ABCA13: variants seen among roughly 807,000 people sequenced by gnomAD.
ABCA13 encodes the protein ATP-binding cassette sub-family A member 13.
Under a neutral mutation model 478.7 loss-of-function variants are expected in ABCA13, and 476 were observed. The observed-to-expected ratio is 0.99, with a 90% CI of 0.92 to 1.07. The LOEUF (loss-of-function observed/expected upper bound fraction) is 1.07. ABCA13 is among the 50% of genes least tolerant of loss of function. The pLI, the probability that ABCA13 is intolerant of heterozygous loss-of-function variation, is 0.00. For synonymous variants in ABCA13, 2,252 were observed against 2,158.9 expected (o/e 1.04, Z -1.20); for missense variants, 6,060 against 5,910.6 (o/e 1.03, Z -0.83).
chr7:48,525,670 C>CTTTTTTTTTTTTTT (rs538127881), intron 54 of ABCA13, among the ~76,000 whole-genome samples: 1 of 68,332 alleles, frequency 1.5e-5, no homozygotes. Flanking sequence ...TTTAGATGCG[C>CTTTTTTTTTTTTTT]TTTTTTTTTT....
At chr7:48,333,341 G>T (rs1000773398) in intron 27 of ABCA13, among the ~76,000 whole-genome samples, 5 of 152,114 alleles carry the variant, frequency 3.3e-5, no homozygotes, top group African/African-American at 1.2e-4. Flanking sequence ...CTGCTATTTT[G>T]TTTGCTTCAA....
intron 6 of ABCA13, among the ~76,000 whole-genome samples, 186 bp downstream of exon 6, chr7:48,227,611 A>G (rs1487735007): frequency 1.3e-5 from 2 of 152,330 alleles, no homozygotes; most frequent in African/African-American, 4.8e-5. Flanking sequence ...TATTTTATAT[A>G]CAGGCAGTGA....
At chr7:48,603,361 T>C (rs2131495588) in intron 58 of ABCA13, among the ~76,000 whole-genome samples, 1 of 152,308 alleles carries the variant, frequency 6.6e-6, no homozygotes, top group East Asian at 1.9e-4. Context: ...ATAGTGCCTG[T>C]GGGTTTTTCA....
intron 7 of ABCA13, among the ~76,000 whole-genome samples, chr7:48,230,603 C>A (rs1345261160): frequency 1.3e-5 from 2 of 152,192 alleles, no homozygotes; most frequent in African/African-American, 4.8e-5. Context: ...GTCCATCCAT[C>A]CACCCACACA....
intron 42 of ABCA13, among the ~76,000 whole-genome samples, chr7:48,440,663 A>G (rs2129164367): frequency 6.6e-6 from 1 of 152,046 alleles, no homozygotes; most frequent in Middle Eastern, 4.4e-3. Flanking sequence ...ACATTTTGTT[A>G]TCGTGAGAAG....
intron 43 of ABCA13, among the ~76,000 whole-genome samples, chr7:48,457,402 G>A (rs771083959): frequency 1.3e-5 from 2 of 151,978 alleles, no homozygotes; most frequent in Non-Finnish European, 2.9e-5. Flanking sequence ...CCTTCATGGT[G>A]TTTATTTCAC....
At chr7:48,609,716 C>A (rs1791830033) in intron 58 of ABCA13, among the ~76,000 whole-genome samples, 1 of 152,168 alleles carries the variant, frequency 6.6e-6, no homozygotes, top group Non-Finnish European at 1.5e-5. Context: ...GATTATCCAG[C>A]CATACAGGAA....
intron 31 of ABCA13, among the ~76,000 whole-genome samples, chr7:48,365,697 T>G (rs1161905325): frequency 1.3e-5 from 2 of 152,220 alleles, no homozygotes; most frequent in Non-Finnish European, 2.9e-5. Flanking sequence ...TGTATGAACT[T>G]GGAGCCTTTG....
intron 53 of ABCA13, among the ~76,000 whole-genome samples, chr7:48,523,453 C>T (rs1832689543): frequency 6.6e-6 from 1 of 151,928 alleles, no homozygotes; most frequent in African/African-American, 2.4e-5. Flanking sequence ...TTACACCCAG[C>T]TTCTCCCAAT....
At chr7:48,253,681 G>A (rs376674223) in intron 15 of ABCA13, among the ~76,000 whole-genome samples, 11 of 152,130 alleles carry the variant, frequency 7.2e-5, no homozygotes, top group African/African-American at 2.2e-4. Flanking sequence ...GTGGGGTTTC[G>A]CCATGTTGCC....
intron 37 of ABCA13, 114 bp downstream of exon 37, chr7:48,389,334 A>T (rs559932077): frequency 2.4e-6 from 3 of 1,237,338 alleles, no homozygotes; most frequent in African/African-American, 3.1e-5. Context: ...TTGAGTCTCA[A>T]TACAGAGTTT....
chr7:48,338,955 A>G (rs1157927991), intron 29 of ABCA13, among the ~76,000 whole-genome samples: 1 of 152,188 alleles, frequency 6.6e-6, no homozygotes, highest in African/African-American at 2.4e-5. Flanking sequence ...GAAATAATCC[A>G]TAGAGGGGCA....
intron 43 of ABCA13, among the ~76,000 whole-genome samples, chr7:48,458,783 A>G (rs1388474365): frequency 2.6e-5 from 4 of 152,154 alleles, no homozygotes; most frequent in African/African-American, 7.2e-5. Flanking sequence ...TTGGGCCCAA[A>G]CAAACCTGGG....
intron 27 of ABCA13, among the ~76,000 whole-genome samples, chr7:48,322,368 A>G (rs1241239064): frequency 1.3e-5 from 2 of 152,142 alleles, no homozygotes; most frequent in African/African-American, 4.8e-5. Context: ...CAGCCCACAC[A>G]TACCTGGAAT....
intron 27 of ABCA13, among the ~76,000 whole-genome samples, chr7:48,319,719 G>C (rs1024005833): frequency 6.6e-6 from 1 of 152,194 alleles, no homozygotes; most frequent in East Asian, 1.9e-4. Context: ...GGTAAGAAAC[G>C]TGTGTATGTG....
intron 42 of ABCA13, among the ~76,000 whole-genome samples, chr7:48,450,972 CT>C (rs11423408): frequency 0.14 from 19,235 of 139,584 alleles, 1,627 homozygotes; most frequent in African/African-American, 0.23. Flanking sequence ...TTATTATATT[CT>C]TTTTTTTTTT....
At chr7:48,310,873 C>T (rs1033562815) in intron 24 of ABCA13, among the ~76,000 whole-genome samples, 3 of 152,180 alleles carry the variant, frequency 2.0e-5, no homozygotes, top group African/African-American at 7.2e-5. Context: ...AACCACAGCT[C>T]ACTGCTCTCA....
chr7:48,371,714 T>A (rs190726736), intron 32 of ABCA13, among the ~76,000 whole-genome samples: 5 of 152,188 alleles, frequency 3.3e-5, no homozygotes, highest in African/African-American at 1.2e-4. Flanking sequence ...TTTCTAGATA[T>A]AGGATCATGT....
chr7:48,402,366 T>C (rs1817722411), intron 38 of ABCA13, among the ~76,000 whole-genome samples: 1 of 152,228 alleles, frequency 6.6e-6, no homozygotes, highest in Non-Finnish European at 1.5e-5. Context: ...TCTGCTAGAT[T>C]GGAATCTCGC....
Sources: gnomAD v4.1 joint callset for allele counts (sites outside exome capture counted in the v4.1 genomes callset) on GRCh38, gnomAD v4.1.1 for gene constraint, MANE v1.5 for transcripts, NCBI Gene and HGNC (gene_info 2026-07-23, HGNC 2026-07-21) for gene names.